Variants in MKLN1 observed in about 807,000 individuals in gnomAD.
MKLN1 encodes the protein muskelin.
A neutral mutation model predicts 99.0 loss-of-function variants in MKLN1; 18 were observed. The ratio of observed to expected loss-of-function variants is 0.18; its 90% CI spans 0.13 to 0.27. MKLN1 has a LOEUF of 0.27. Among genes scored for constraint, MKLN1 ranks in the 10% least tolerant of loss-of-function variants. MKLN1 has a pLI of 1.00. For synonymous variants in MKLN1, 288 were observed against 293.2 expected (o/e 0.98, Z 0.18); for missense variants, 621 against 875.9 (o/e 0.71, Z 3.67).
intron 1 of MKLN1, among the ~76,000 whole-genome samples, chr7:131,363,046 GTA>G (rs1360733720): frequency 6.6e-6 from 1 of 151,746 alleles, no homozygotes; most frequent in Admixed American, 6.6e-5. Flanking sequence ...TTTTTCTCAA[GTA>G]TTTTTATCTA....
chr7:131,322,744 G>A (rs1196479230), intron 3 of MKLN1, among the ~76,000 whole-genome samples: 1 of 150,960 alleles, frequency 6.6e-6, no homozygotes, highest in Non-Finnish European at 1.5e-5. Context: ...CTAATTTTTT[G>A]TATTTTTAGT....
rs201692781 is a variant in MKLN1, at chr7:131,397,263, A to T, written c.401-4A>T. 111 of 1,577,926 alleles carry T rather than the reference A, an allele frequency of 7.0e-5. No individual in the cohort carries two copies. In the African/African-American group the frequency reaches 1.3e-3, roughly 18 times the overall value. On this transcript the variant is annotated splice_region_variant and splice_polypyrimidine_tract_variant and intron_variant, in intron 4 of 17. Coordinates refer to ENST00000352689, the MANE Select transcript of MKLN1 (RefSeq NM_013255.5). ...CTTCTTCTTTTTGTTTTTTCTCCTT[A>T]AAGTTCCACTCTTGTCCTGGGGACC...
chr7:131,425,058 T>TATTTA (rs1247713743), intron 8 of MKLN1, among the ~76,000 whole-genome samples: 1 of 152,216 alleles, frequency 6.6e-6, no homozygotes, highest in Non-Finnish European at 1.5e-5. Context: ...TAACATGCAT[T>TATTTA]ATTTAATTTA....
At chr7:131,407,187 T>C (rs1270710735) in intron 6 of MKLN1, among the ~76,000 whole-genome samples, 1 of 152,026 alleles carries the variant, frequency 6.6e-6, no homozygotes, top group Non-Finnish European at 1.5e-5. Flanking sequence ...TCATTCCTCT[T>C]TTCTCTCATT....
At chr7:131,399,582 G>A in intron 6 of MKLN1, 149 bp downstream of exon 6, 1 of 650,432 alleles carries the variant, frequency 1.5e-6, no homozygotes, top group South Asian at 2.1e-5. Context: ...TTGGATTAGG[G>A]ACTTCTTTCA....
chr7:131,254,994 G>A (rs1797637388), intron 3 of MKLN1, among the ~76,000 whole-genome samples: 1 of 151,958 alleles, frequency 6.6e-6, no homozygotes, highest in South Asian at 2.1e-4. Flanking sequence ...TGGGCTCAAG[G>A]GATCCTCCTT....
At chr7:131,333,506 A>G (rs1459635001) in intron 1 of MKLN1, among the ~76,000 whole-genome samples, 1 of 152,036 alleles carries the variant, frequency 6.6e-6, no homozygotes, top group Non-Finnish European at 1.5e-5. Context: ...TTATTTGACT[A>G]TTATGAGTCA....
chr7:131,185,874 T>G (rs1174177822), intron 2 of MKLN1, among the ~76,000 whole-genome samples: 2 of 152,192 alleles, frequency 1.3e-5, no homozygotes, highest in Non-Finnish European at 2.9e-5. Flanking sequence ...AGTGGTATTT[T>G]CATTTGTTCT....
intron 3 of MKLN1, among the ~76,000 whole-genome samples, chr7:131,260,664 G>A (rs905621654): frequency 5.3e-5 from 8 of 152,278 alleles, no homozygotes; most frequent in African/African-American, 1.9e-4. Flanking sequence ...TATGCAAAAA[G>A]AACAAAGCTG....
At position 131,491,467 on chromosome 7, in the gene MKLN1, C is replaced by T. The variant is rs975688655; in HGVS notation, c.*3739C>T. The T allele has an allele frequency of 3.3e-5, 5 of 152,042 alleles. No homozygotes were observed. Among genetic ancestry groups the T allele is most frequent in the Non-Finnish European group, 7.4e-5 (5 of 68,008 alleles). 9.4% of individuals were successfully genotyped at this position (152,042 alleles called of 1,614,324 possible). ...CTTTAACACAAAAGATTTTTGTTAT[C>T]CTTATTAGTCAAATAACGCTATTCT... On this transcript the variant is annotated 3_prime_UTR_variant, in exon 18 of 18. Transcript: ENST00000352689.
chr7:131,122,793 G>A (rs1795392574), intron 1 of MKLN1, among the ~76,000 whole-genome samples: 1 of 151,846 alleles, frequency 6.6e-6, no homozygotes, highest in African/African-American at 2.4e-5. Flanking sequence ...AGGCCGAGGC[G>A]GGCGGATCAC....
chr7:131,361,441 C>G (rs1800024797), intron 1 of MKLN1, among the ~76,000 whole-genome samples: 2 of 151,776 alleles, frequency 1.3e-5, no homozygotes, highest in African/African-American at 2.4e-5. Context: ...CCATTAGTGG[C>G]CTTAAAATGT....
intron 6 of MKLN1, among the ~76,000 whole-genome samples, chr7:131,403,488 T>C (rs114052575): frequency 6.6e-6 from 1 of 152,224 alleles, no homozygotes; most frequent in Non-Finnish European, 1.5e-5. Flanking sequence ...CTTCAAGAAC[T>C]TTTCCTTCTC....
At chr7:131,242,302 A>T (rs531693250) in intron 3 of MKLN1, among the ~76,000 whole-genome samples, 32 of 152,296 alleles carry the variant, frequency 2.1e-4, no homozygotes, top group Non-Finnish European at 2.8e-4. Context: ...TTGGGAGGCT[A>T]AAGCAGGAGG....
intron 1 of MKLN1, among the ~76,000 whole-genome samples, chr7:131,136,056 C>T (rs1360692906): frequency 2.6e-5 from 4 of 152,112 alleles, no homozygotes; most frequent in Admixed American, 2.6e-4. Context: ...TTCTGTTGTG[C>T]TTGCAATTTT....
At chr7:131,220,911 A>G (rs1584845484) in intron 3 of MKLN1, among the ~76,000 whole-genome samples, 1 of 152,182 alleles carries the variant, frequency 6.6e-6, no homozygotes, top group East Asian at 1.9e-4. Flanking sequence ...TATATAACAT[A>G]TTATGTAATA....
In MKLN1 at chr7:131,131,236, G is replaced by A. The variant is rs191771892; in HGVS notation, c.-418-11584G>A. Among the ~76,000 whole-genome samples the A allele has an allele frequency of 3.4e-5, 3 of 87,824 alleles. No homozygotes were observed. In the Admixed American group the frequency reaches 3.6e-4, roughly 10 times the overall value. The allele number at this position is 87,824 out of a possible 152,430, so 57.6% of individuals were successfully genotyped here. A position where few individuals can be genotyped will look rare whatever the true frequency, so the allele number is the denominator to read the frequency against. On this transcript the variant is annotated intron_variant, in intron 1 of 7. Transcript: ENST00000416992. The stretch of plus-strand genomic sequence containing the variant: ...AAATAAATAAATAAAATTTAGCTGA[G>A]CCTGGTGGTGTGCACCTGTATTGCC...
intron 17 of MKLN1, among the ~76,000 whole-genome samples, chr7:131,484,527 C>G (rs887456125): frequency 2.0e-5 from 3 of 152,062 alleles, no homozygotes; most frequent in African/African-American, 7.2e-5. Context: ...GTAATCATAC[C>G]TAAAGTACCT....
At chr7:131,209,237 T>C (rs1359311720) in intron 3 of MKLN1, among the ~76,000 whole-genome samples, 4 of 152,196 alleles carry the variant, frequency 2.6e-5, no homozygotes. Flanking sequence ...CTGGCCATGG[T>C]AAGGAATTTG....
Sources: allele counts gnomAD v4.1 joint callset (sites outside exome capture counted in the v4.1 genomes callset), GRCh38; gene constraint gnomAD v4.1.1; transcripts MANE v1.5; gene names NCBI Gene and HGNC (gene_info 2026-07-23, HGNC 2026-07-21).